PTPN13: variants seen among roughly 807,000 people sequenced by gnomAD.
The protein encoded by PTPN13 is protein tyrosine phosphatase non-receptor type 13.
Under a neutral mutation model 284.0 loss-of-function variants are expected in PTPN13, and 191 were observed. That is an observed-to-expected ratio of 0.67 (90% CI 0.60 to 0.76). The LOEUF (loss-of-function observed/expected upper bound fraction) is 0.76. PTPN13 is among the 30% of genes least tolerant of loss of function. The pLI, the probability that PTPN13 is intolerant of heterozygous loss-of-function variation, is 0.00. For missense variants in PTPN13, 2,797 were observed against 2,939.9 expected (o/e 0.95, Z 1.12); for synonymous variants, 986 against 1,022.3 (o/e 0.96, Z 0.68).
Position 86,594,316 on chromosome 4 carries a change from A to T in PTPN13, c.-479A>T, listed in dbSNP as rs1452867626. The T allele has an allele frequency of 6.6e-6, 1 of 152,486 alleles. No individual in the cohort carries two copies. Among genetic ancestry groups the T allele is most frequent in the African/African-American group, 2.4e-5 (1 of 41,448 alleles). 9.4% of individuals were successfully genotyped at this position (152,486 alleles called of 1,614,324 possible). On this transcript the variant is annotated 5_prime_UTR_variant, in exon 1 of 48. Transcript: ENST00000411767. The stretch of plus-strand genomic sequence containing the variant: ...CCCGAGGTGGAGCCCCAGTGGTGCG[A>T]GTAGCTCCAGCGGCCACGCTGAGGC...
In PTPN13 at chr4:86,774,352, AT is replaced by A; in HGVS notation, c.5350-19del. On this transcript the variant is annotated intron_variant, in intron 32 of 47. Coordinates refer to ENST00000411767, the MANE Select transcript of PTPN13 (RefSeq NM_080683.3). ...AGTGCAGAATAGACAACCTAAAAGT[AT>A]TACTGCTTTTTTCCCTTAGGAAGTA... 1 of 1,591,274 alleles carries A rather than the reference AT, an allele frequency of 6.3e-7. No individual in the cohort carries two copies. The highest frequency in any genetic ancestry group is 1.7e-5 in the Admixed American group (1 of 57,194).
intron 2 of PTPN13, among the ~76,000 whole-genome samples, chr4:86,636,055 G>A (rs559938794): frequency 2.0e-5 from 3 of 152,158 alleles, no homozygotes; most frequent in South Asian, 4.2e-4. Context: ...GGCTAAAAAG[G>A]AGGGATTCAG....
chr4:86,747,498 CTA>C (rs1453711877), intron 17 of PTPN13, among the ~76,000 whole-genome samples: 1 of 151,962 alleles, frequency 6.6e-6, no homozygotes, highest in Non-Finnish European at 1.5e-5. Flanking sequence ...TACTACTATA[CTA>C]TATGCTGCTA....
Position 86,681,782 on chromosome 4 carries a change from G to A in PTPN13, c.295-4928G>A, listed in dbSNP as rs1009657498. Among the ~76,000 whole-genome samples, 192 of 152,228 alleles carry A rather than the reference G, an allele frequency of 1.3e-3. 1 individual carries two copies. Among genetic ancestry groups the A allele is most frequent in the Admixed American group, 7.2e-4 (11 of 15,292 alleles). ...GTCTCTACTAAAAATAGAAACATTA[G>A]CTGGGCATGGTGGCAGGTGCCTGTA... is the stretch of plus-strand genomic sequence containing the variant. On this transcript the variant is annotated intron_variant, in intron 3 of 47. Coordinates refer to ENST00000411767, the MANE Select transcript of PTPN13 (RefSeq NM_080683.3).
chr4:86,715,305 T>C (rs1016978426), intron 7 of PTPN13, among the ~76,000 whole-genome samples: 4 of 152,166 alleles, frequency 2.6e-5, no homozygotes, highest in African/African-American at 9.7e-5. Flanking sequence ...TTCCCACTCC[T>C]CAAAACTTTG....
intron 33 of PTPN13, 45 bp from the exon 34 acceptor site, chr4:86,775,126 T>A (rs1228537867): frequency 7.0e-7 from 1 of 1,436,998 alleles, no homozygotes. Flanking sequence ...AGCTTCTCTT[T>A]TCTAAAAATT....
intron 9 of PTPN13, among the ~76,000 whole-genome samples, chr4:86,718,841 A>G (rs1286460493): frequency 6.6e-6 from 1 of 152,156 alleles, no homozygotes; most frequent in African/African-American, 2.4e-5. Context: ...AAACTCCAGT[A>G]AGTATTCATT....
At chr4:86,785,992 T>A in intron 40 of PTPN13, 56 bp downstream of exon 40, 2 of 967,840 alleles carry the variant, frequency 2.1e-6, no homozygotes, top group Non-Finnish European at 3.0e-6. Context: ...ATTATGGGTT[T>A]AACCCAGAAG....
chr4:86,612,234 T>C (rs1719978572), intron 1 of PTPN13, among the ~76,000 whole-genome samples: 4 of 152,278 alleles, frequency 2.6e-5, no homozygotes, highest in Admixed American at 2.6e-4. Flanking sequence ...TCCGGTAATT[T>C]TCAGGCACAC....
At position 86,728,661 on chromosome 4, in the gene PTPN13, T is replaced by TATTTATTTA. The variant is rs1193882200; in HGVS notation, c.1609-3739_1609-3738insATTTATTTA. ...CCCCTGCCTTTTTTTTTTTTTTTTT[T>TATTTATTTA]TTTTTTTTTTTTTTTTGCTTTCCAT... On this transcript the variant is annotated intron_variant, in intron 10 of 47. Transcript: ENST00000411767. Among the ~76,000 whole-genome samples, 938 of 108,450 alleles carry TATTTATTTA rather than the reference T, an allele frequency of 8.6e-3. 41 individuals are homozygous for TATTTATTTA. The highest frequency in any genetic ancestry group is 0.03 in the African/African-American group (876 of 28,834). 71.1% of individuals were successfully genotyped at this position (108,450 alleles called of 152,430 possible). A position where few individuals can be genotyped will look rare whatever the true frequency, so the allele number is the denominator to read the frequency against.
chr4:86,689,991 G>T, intron 5 of PTPN13: 1 of 377,730 alleles, frequency 2.6e-6, no homozygotes, highest in Non-Finnish European at 4.7e-6. Context: ...TCATCGGTAG[G>T]GGTTTAGTTC....
intron 7 of PTPN13, among the ~76,000 whole-genome samples, chr4:86,712,185 A>G (rs911682464): frequency 6.6e-6 from 1 of 152,050 alleles, no homozygotes; most frequent in Non-Finnish European, 1.5e-5. Context: ...TACACTCAAA[A>G]ATAGAAAACA....
At chr4:86,691,799 A>G (rs1483186268) in intron 5 of PTPN13, among the ~76,000 whole-genome samples, 1 of 152,172 alleles carries the variant, frequency 6.6e-6, no homozygotes, top group Non-Finnish European at 1.5e-5. Flanking sequence ...TGTTGCCTCC[A>G]GTAGCTGACA....
intron 2 of PTPN13, among the ~76,000 whole-genome samples, chr4:86,637,934 T>C (rs1281091912): frequency 2.6e-5 from 4 of 151,690 alleles, no homozygotes; most frequent in African/African-American, 9.7e-5. Context: ...GAAAACCCCA[T>C]CGTCTCAGCC....
rs1204970338 is a variant in PTPN13, at chr4:86,809,787, A to G, written c.7102A>G (p.Ile2368Val). The G allele has an allele frequency of 1.2e-6, 2 of 1,613,930 alleles. No homozygotes were observed. The highest frequency in any genetic ancestry group is 3.3e-5 in the Admixed American group (2 of 60,020). ...ATTTCAGACCAGAGAGGTGCGCCATATTTCTCATCTGAATTTCACTGCCTG... is the reference window on the plus strand; with the variant it reads ...ATTTCAGACCAGAGAGGTGCGCCATGTTTCTCATCTGAATTTCACTGCCTG... ...EDIQTREVRH[I>V]SHLNFTAWPD... The change falls in exon 46 of 48, where the codon ATT (isoleucine) becomes GTT (valine). Residue 2368 changes from isoleucine to valine, a missense_variant. Coordinates refer to ENST00000411767, the MANE Select transcript of PTPN13 (RefSeq NM_080683.3).
chr4:86,746,148 T>C (rs1202466889), intron 17 of PTPN13, among the ~76,000 whole-genome samples: 1 of 152,188 alleles, frequency 6.6e-6, no homozygotes, highest in Non-Finnish European at 1.5e-5. Flanking sequence ...GTTTATTTTC[T>C]TTTGAAAAGG....
At position 86,739,006 on chromosome 4, in the gene PTPN13, T is replaced by C. The variant is rs543348394; in HGVS notation, c.2305-2628T>C. Among the ~76,000 whole-genome samples the C allele has an allele frequency of 1.2e-4, 18 of 152,330 alleles. No individual in the cohort carries two copies. The South Asian group carries it at 3.3e-3, about 28-fold the overall frequency. On this transcript the variant is annotated intron_variant, in intron 15 of 47. Transcript: ENST00000411767. ...ACATTAACTCTTGATGAGCAAGTTT[T>C]CAATGTTAATGAAGTTTCCAATTTT... is the stretch of plus-strand genomic sequence containing the variant.
chr4:86,758,284 T>C lies in PTPN13; in HGVS notation c.3248T>C (p.Ile1083Thr), dbSNP rs1311756079. ...ENDVLHKRWS[I>T]VSSPEREITL... ...GATGTGCTACACAAAAGATGGAGCA[T>C]AGTATCTTCACCAGAAAGGGAGATC... is the stretch of plus-strand genomic sequence containing the variant. Residue 1083 changes from isoleucine to threonine, a missense_variant, in exon 21 of 48, where the codon ATA becomes ACA. By Grantham distance (89) the Ile-to-Thr change is moderately conservative (BLOSUM62 -1). Coordinates refer to ENST00000411767, the MANE Select transcript of PTPN13 (RefSeq NM_080683.3). The C allele has an allele frequency of 1.2e-6, 2 of 1,610,892 alleles. No individual in the cohort carries two copies. The highest frequency in any genetic ancestry group is 1.7e-6 in the Non-Finnish European group (2 of 1,178,072).
intron 24 of PTPN13, 123 bp downstream of exon 24, chr4:86,763,313 A>G (rs1018190309): frequency 2.1e-5 from 18 of 838,702 alleles, no homozygotes; most frequent in Non-Finnish European, 2.0e-5. Flanking sequence ...AATAGTTTAT[A>G]TCTTCTAATT....
Sources: allele counts gnomAD v4.1 joint callset (sites outside exome capture counted in the v4.1 genomes callset), GRCh38; gene constraint gnomAD v4.1.1; transcripts MANE v1.5; gene names NCBI Gene and HGNC (gene_info 2026-07-23, HGNC 2026-07-21).